The following NFAT5 variants were observed in gnomAD, a reference collection of about 807,000 sequenced individuals.
NFAT5 encodes the protein nuclear factor of activated T cells 5.
NFAT5 carries 31 observed loss-of-function variants against 166.5 expected under a neutral mutation model. The observed-to-expected ratio is 0.19, with a 90% CI of 0.14 to 0.25. The LOEUF is 0.25. Ranked by LOEUF, NFAT5 falls within the 10% of genes least tolerant of loss-of-function variation. NFAT5 has a pLI of 1.00. For missense variants in NFAT5, 1,449 were observed against 1,821.8 expected, an observed-to-expected ratio of 0.80 and a Z score of 3.72; for synonymous variants, 612 against 639.7, an observed-to-expected ratio of 0.96 and a Z score of 0.65.
At chr16:69,613,993 C>T (rs1388480517) in intron 2 of NFAT5, among the ~76,000 whole-genome samples, 1 of 152,184 alleles carries the variant, frequency 6.6e-6, no homozygotes, top group Non-Finnish European at 1.5e-5. Flanking sequence ...ATTATATGAC[C>T]AAGAGAAGAC....
At position 69,677,296 on chromosome 16, in the gene NFAT5, T is replaced by A; in HGVS notation, c.1651T>A (p.Ser551Thr). The change falls in exon 10 of 15, where the codon TCT becomes ACT. Residue 551 changes from serine (S) to threonine (T), a missense_variant. Coordinates refer to ENST00000349945, the MANE Select transcript of NFAT5 (RefSeq NM_138713.4). Reference sequence around the variant, plus strand: ...ATATGTAGTGACAAATGCTGGAAGATCTCATGATGTTCAACCATTCACTTA... The same window carrying A: ...ATATGTAGTGACAAATGCTGGAAGAACTCATGATGTTCAACCATTCACTTA... ...GIYVVTNAGR[S>T]HDVQPFTYTP... 1 of 1,612,046 alleles carries A rather than the reference T, an allele frequency of 6.2e-7. No homozygotes were observed. The highest frequency in any genetic ancestry group is 8.5e-7 in the Non-Finnish European group (1 of 1,179,368).
Position 69,650,299 on chromosome 16 carries a change from G to T in NFAT5, c.812+2713G>T, listed in dbSNP as rs1306138103. On this transcript the variant is annotated intron_variant, in intron 4 of 14. Coordinates refer to ENST00000349945, the MANE Select transcript of NFAT5 (RefSeq NM_138713.4). Reference sequence around the variant, plus strand: ...TGACTGCTACTTTATTTTTTCTTAAGCCATCATGCCTTAAAAATTAGTAAC... The same window carrying T: ...TGACTGCTACTTTATTTTTTCTTAATCCATCATGCCTTAAAAATTAGTAAC... 3.3e-5 allele frequency among the ~76,000 whole-genome samples: 5 copies of T among 151,882 alleles called. No individual in the cohort carries two copies. The South Asian group carries it at 1.0e-3, about 31-fold the overall frequency.
At chr16:69,674,120 G>A (rs955249645) in intron 9 of NFAT5, among the ~76,000 whole-genome samples, 1 of 151,332 alleles carries the variant, frequency 6.6e-6, no homozygotes. Context: ...GCATATGCCT[G>A]TAATCCCAGC....
rs2037864704 is a variant in NFAT5 at position 69,699,814 on chromosome 16, T to C, written c.*3463T>C. The C allele has an allele frequency of 2.0e-5, 3 of 148,430 alleles. No individual in the cohort carries two copies. The highest frequency in any genetic ancestry group is 2.0e-4 in the East Asian group (1 of 5,082). 9.2% of individuals were successfully genotyped at this position (148,430 alleles called of 1,614,324 possible). A position where few individuals can be genotyped will look rare whatever the true frequency, so the allele number is the denominator to read the frequency against. Reference sequence around the variant, plus strand: ...ACATTAATGCTTGGAGCTTATCTCTTTCTCTCTCTCTCTCTCTCTCTCTGT... The same window carrying C: ...ACATTAATGCTTGGAGCTTATCTCTCTCTCTCTCTCTCTCTCTCTCTCTGT... On this transcript the variant is annotated 3_prime_UTR_variant, in exon 15 of 15. Coordinates refer to ENST00000349945, the MANE Select transcript of NFAT5 (RefSeq NM_138713.4).
intron 2 of NFAT5, among the ~76,000 whole-genome samples, chr16:69,577,917 C>T (rs1442191411): frequency 1.3e-5 from 2 of 151,846 alleles, no homozygotes; most frequent in African/African-American, 4.8e-5. Context: ...CACTTGAACC[C>T]AGGAGGTAGA....
intron 3 of NFAT5, among the ~76,000 whole-genome samples, chr16:69,642,158 A>C (rs551425605): frequency 6.6e-6 from 1 of 152,304 alleles, no homozygotes; most frequent in South Asian, 2.1e-4. Flanking sequence ...TCTTTTATTA[A>C]ATTGCAGATT....
chr16:69,583,437 A>C (rs2031833518), intron 2 of NFAT5, among the ~76,000 whole-genome samples: 1 of 151,562 alleles, frequency 6.6e-6, no homozygotes, highest in South Asian at 2.1e-4. Context: ...CTGATCTTGA[A>C]CTCTTGGCCT....
chr16:69,602,584 CTTTT>C (rs1396442587), intron 2 of NFAT5, among the ~76,000 whole-genome samples: 1 of 134,326 alleles, frequency 7.4e-6, no homozygotes. Flanking sequence ...TTCTTTCTTT[CTTTT>C]TTTTTTTTTT....
intron 2 of NFAT5, among the ~76,000 whole-genome samples, chr16:69,586,525 C>T (rs1163891556): frequency 1.3e-5 from 2 of 152,086 alleles, no homozygotes; most frequent in African/African-American, 2.4e-5. Context: ...GCCTCAGCCT[C>T]CCGAGTAGCT....
At chr16:69,638,827 C>T (rs914165423) in intron 3 of NFAT5, among the ~76,000 whole-genome samples, 10 of 150,924 alleles carry the variant, frequency 6.6e-5, no homozygotes, top group African/African-American at 1.5e-4. Flanking sequence ...TGTATTGTAG[C>T]GTATTGAAGT....
At chr16:69,669,934 G>A (rs749735489) in intron 7 of NFAT5, 43 bp from the exon 8 acceptor site, 1 of 1,507,660 alleles carries the variant, frequency 6.6e-7, no homozygotes, top group Non-Finnish European at 8.8e-7. Flanking sequence ...TAAGAAATAA[G>A]TTTTGGTGGT....
Position 69,697,893 on chromosome 16 carries a change from G to A in NFAT5, c.*1542G>A, listed in dbSNP as rs1008132606. 6.6e-6 allele frequency: 1 copy of A among 151,146 alleles called. No homozygotes were observed. 9.4% of individuals were successfully genotyped at this position (151,146 alleles called of 1,614,324 possible). On this transcript the variant is annotated 3_prime_UTR_variant, in exon 15 of 15. Coordinates refer to ENST00000349945, the MANE Select transcript of NFAT5 (RefSeq NM_138713.4). ...CTTGTCCGTTTCATTTATTTTTTAA[G>A]TGTACAAAAAATAACCTGTTAATTG... is the stretch of plus-strand genomic sequence containing the variant.
At chr16:69,652,402 A>C (rs2035707604) in intron 4 of NFAT5, among the ~76,000 whole-genome samples, 1 of 150,654 alleles carries the variant, frequency 6.6e-6, no homozygotes. Flanking sequence ...CAGTGAGCTG[A>C]GATTGTGCCA....
intron 3 of NFAT5, among the ~76,000 whole-genome samples, chr16:69,635,023 GTTT>G (rs530661389): frequency 0.021 from 2,202 of 105,336 alleles, 4 homozygotes; most frequent in South Asian, 0.044. Flanking sequence ...TGTTAGTAAA[GTTT>G]TTTTTTTTTT....
At chr16:69,610,388 TA>T (rs1311754164) in intron 2 of NFAT5, among the ~76,000 whole-genome samples, 1 of 152,208 alleles carries the variant, frequency 6.6e-6, no homozygotes, top group Non-Finnish European at 1.5e-5. Flanking sequence ...GATTATGGTA[TA>T]AAAACAGGAA....
At chr16:69,615,510 C>A (rs1309889970) in intron 2 of NFAT5, among the ~76,000 whole-genome samples, 1 of 152,088 alleles carries the variant, frequency 6.6e-6, no homozygotes, top group Non-Finnish European at 1.5e-5. Flanking sequence ...CTCCTAGGAC[C>A]TTTCAGAGGA....
intron 3 of NFAT5, 111 bp from the exon 4 acceptor site, chr16:69,646,915 CTA>C: frequency 1.1e-6 from 1 of 883,996 alleles, no homozygotes; most frequent in Non-Finnish European, 1.7e-6. Context: ...CAAATTCTGA[CTA>C]TTCATTTTGG....
At chr16:69,581,078 A>G (rs964736891) in intron 2 of NFAT5, among the ~76,000 whole-genome samples, 8 of 152,138 alleles carry the variant, frequency 5.3e-5, no homozygotes, top group East Asian at 3.9e-4. Context: ...GTCTCACTCT[A>G]TCACCTAGGC....
chr16:69,575,038 A>G (rs1476808084), intron 2 of NFAT5, among the ~76,000 whole-genome samples: 1 of 152,112 alleles, frequency 6.6e-6, no homozygotes, highest in African/African-American at 2.4e-5. Context: ...CCCACCCATG[A>G]ATGTTTATCA....
Sources: allele counts gnomAD v4.1 joint callset (sites outside exome capture counted in the v4.1 genomes callset), GRCh38; gene constraint gnomAD v4.1.1; transcripts MANE v1.5; gene names NCBI Gene and HGNC (gene_info 2026-07-23, HGNC 2026-07-21).